Variants in NPIPB11 observed in about 807,000 individuals in gnomAD.
The protein encoded by NPIPB11 is nuclear pore complex-interacting protein family member B11.
Under a neutral mutation model 32.8 loss-of-function variants are expected in NPIPB11, and 17 were observed. That is an observed-to-expected ratio of 0.52 (90% CI 0.35 to 0.78). The LOEUF (loss-of-function observed/expected upper bound fraction) is 0.78, where lower values mean the gene tolerates loss of function less well. Ranked by LOEUF, NPIPB11 falls within the 30% of genes least tolerant of loss-of-function variation. The pLI is 0.01. For missense variants in NPIPB11, 537 were observed against 1,000.4 expected, an observed-to-expected ratio of 0.54 and a Z score of 6.25; for synonymous variants, 209 against 398.4, an observed-to-expected ratio of 0.52 and a Z score of 5.66.
exon 8 of NPIPB11, chr16:29,383,163 C>T (rs773879792): frequency 6.3e-6 from 10 of 1,588,714 alleles, no homozygotes; most frequent in South Asian, 3.4e-5. Flanking sequence ...AGGGTGGAAG[C>T]GGAACTGCAG....
At chr16:29,401,330 G>A (rs1415584199) in intron 2 of NPIPB11, among the ~76,000 whole-genome samples, 1 of 152,082 alleles carries the variant, frequency 6.6e-6, no homozygotes, top group Non-Finnish European at 1.5e-5. Context: ...ACTATCATCT[G>A]GGGTAACTGA....
At position 29,393,868 on chromosome 16, in the gene NPIPB11, C is replaced by T. The variant is rs1213935523; in HGVS notation, c.249+80G>A. 1.7e-5 allele frequency: 21 copies of T among 1,270,466 alleles called. 1 individual carries two copies. Among genetic ancestry groups the T allele is most frequent in the Non-Finnish European group, 2.2e-5 (21 of 938,670 alleles). 78.7% of individuals were successfully genotyped at this position (1,270,466 alleles called of 1,614,324 possible). ...TAAAACCACATATTCATAATGAAGT[C>T]CAGAAATGTGAATTGTTTTATATAA... On this transcript the variant is annotated intron_variant, in intron 3 of 7. Transcript: ENST00000524087.
chr16:29,397,761 AGG>A, intron 2 of NPIPB11: 1 of 96,340 alleles, frequency 1.0e-5, no homozygotes, highest in South Asian at 7.0e-5. Context: ...GGGGGAGGGG[AGG>A]GGGAGGGGGA....
At chr16:29,402,760 G>GTGTGTGTGTA (rs1964027658) in intron 2 of NPIPB11, among the ~76,000 whole-genome samples, 1 of 144,350 alleles carries the variant, frequency 6.9e-6, no homozygotes, top group Non-Finnish European at 1.5e-5. Context: ...GTGTGTGTGT[G>GTGTGTGTGTA]TGTGTATCTC....
At chr16:29,395,527 A>G (rs1399950249) in intron 2 of NPIPB11, among the ~76,000 whole-genome samples, 3 of 114,114 alleles carry the variant, frequency 2.6e-5, no homozygotes, top group African/African-American at 1.1e-4. Flanking sequence ...GGATGCATTT[A>G]TTATATATCA....
chr16:29,405,529 T>G (rs529317751), upstream of NPIPB11, among the ~76,000 whole-genome samples: 1 of 152,164 alleles, frequency 6.6e-6, no homozygotes. Context: ...TTAAACCTGC[T>G]AGCAAGCTTG....
chr16:29,393,965 A>C (rs748219513), exon 3 of NPIPB11: 2 of 1,599,148 alleles, frequency 1.3e-6, no homozygotes, highest in African/African-American at 2.7e-5. Flanking sequence ...TAAACTATCC[A>C]GAGGGTAATG....
intron 2 of NPIPB11, among the ~76,000 whole-genome samples, chr16:29,403,089 T>C (rs1295889920): frequency 1.4e-5 from 2 of 147,198 alleles, no homozygotes; most frequent in African/African-American, 5.0e-5. Context: ...ATTTTTTTTT[T>C]TTTTTTTTGA....
chr16:29,405,796 A>G (rs1964101113), upstream of NPIPB11, among the ~76,000 whole-genome samples: 1 of 152,170 alleles, frequency 6.6e-6, no homozygotes, highest in African/African-American at 2.4e-5. Context: ...TCTGGTGAGT[A>G]AAGATGGCAT....
chr16:29,399,491 G>GGAGT (rs1963938332), intron 2 of NPIPB11, among the ~76,000 whole-genome samples: 1 of 149,164 alleles, frequency 6.7e-6, no homozygotes, highest in Non-Finnish European at 1.5e-5. Flanking sequence ...CACAAGGTCA[G>GGAGT]GAGTTCCAGA....
At chr16:29,400,902 C>T (rs573619821) in intron 2 of NPIPB11, among the ~76,000 whole-genome samples, 13 of 152,174 alleles carry the variant, frequency 8.5e-5, no homozygotes, top group Non-Finnish European at 1.6e-4. Context: ...ACCACTACCC[C>T]CACTACCCCC....
At chr16:29,393,707 TA>T (rs1189915509) in intron 3 of NPIPB11, among the ~76,000 whole-genome samples, 1 of 151,996 alleles carries the variant, frequency 6.6e-6, no homozygotes, top group East Asian at 1.9e-4. Context: ...GCACAAAGGT[TA>T]AAAAAACTTA....
chr16:29,397,588 T>C (rs1963889590), intron 2 of NPIPB11: 1 of 1,511,282 alleles, frequency 6.6e-7, no homozygotes, highest in Non-Finnish European at 8.9e-7. Flanking sequence ...TGATGGCTGA[T>C]AAATTCCAGC....
intron 2 of NPIPB11, among the ~76,000 whole-genome samples, chr16:29,403,077 T>TA (rs1041739044): frequency 1.4e-5 from 2 of 148,086 alleles, no homozygotes; most frequent in African/African-American, 5.0e-5. Context: ...TTTTGCAGGA[T>TA]AATTTTTTTT....
chr16:29,392,226 C>A (rs1171276154), intron 3 of NPIPB11, among the ~76,000 whole-genome samples: 1 of 152,130 alleles, frequency 6.6e-6, no homozygotes, highest in Non-Finnish European at 1.5e-5. Flanking sequence ...AAATGTCAAA[C>A]ACATGAAGAA....
At chr16:29,400,110 T>C (rs1422156354) in intron 2 of NPIPB11, among the ~76,000 whole-genome samples, 1 of 151,318 alleles carries the variant, frequency 6.6e-6, no homozygotes, top group Non-Finnish European at 1.5e-5. Context: ...GGATTTCGGT[T>C]GTGTTGGTTG....
chr16:29,391,361 A>C (rs540905188), intron 3 of NPIPB11, among the ~76,000 whole-genome samples: 3,001 of 147,374 alleles, frequency 0.02, 15 homozygotes, highest in Non-Finnish European at 0.028. Context: ...TAAGTATTTT[A>C]CCACAGGTTA....
rs1278158425 is a variant in NPIPB11 at position 29,395,726 on chromosome 16, T to C, written c.121-1650A>G. 6.0e-5 allele frequency among the ~76,000 whole-genome samples: 9 copies of C among 150,942 alleles called. No individual in the cohort carries two copies. In the East Asian group the frequency reaches 1.8e-3, roughly 29 times the overall value. On this transcript the variant is annotated intron_variant, in intron 2 of 7. Coordinates refer to ENST00000524087, the Ensembl canonical transcript of NPIPB11. ...CGGGCGTGGTGGCTCACGCCTGCAA[T>C]CCCAGCACTTTGGGAAGCCGAGGTG...
chr16:29,399,715 C>T (rs1963943762), intron 2 of NPIPB11, among the ~76,000 whole-genome samples: 1 of 151,528 alleles, frequency 6.6e-6, no homozygotes, highest in Non-Finnish European at 1.5e-5. Flanking sequence ...GCAACAACTA[C>T]AAACAAACAA....
Sources: allele counts gnomAD v4.1 joint callset (sites outside exome capture counted in the v4.1 genomes callset), GRCh38; gene constraint gnomAD v4.1.1; transcripts MANE v1.5; gene names NCBI Gene and HGNC (gene_info 2026-07-23, HGNC 2026-07-21).